Variants in PTPRT observed in about 807,000 individuals in gnomAD.
The protein encoded by PTPRT is protein tyrosine phosphatase receptor type T.
PTPRT carries 56 observed loss-of-function variants against 176.8 expected under a neutral mutation model. The observed-to-expected ratio is 0.32, with a 90% CI of 0.26 to 0.40. The LOEUF (loss-of-function observed/expected upper bound fraction) is 0.40, where lower values mean the gene tolerates loss of function less well. Among genes scored for constraint, PTPRT ranks in the 10% least tolerant of loss-of-function variants. The probability of loss-of-function intolerance (pLI) is 1.00; values close to 1 mark genes in which losing one functional copy is unlikely to be tolerated. For missense variants in PTPRT, 1,540 were observed against 1,908.2 expected (o/e 0.81, Z 3.60); for synonymous variants, 783 against 739.0 (o/e 1.06, Z -0.96).
At chr20:42,569,364 C>A (rs775180012) in intron 7 of PTPRT, among the ~76,000 whole-genome samples, 3 of 151,854 alleles carry the variant, frequency 2.0e-5, no homozygotes, top group African/African-American at 4.8e-5. Context: ...TTCTTCGTAT[C>A]TAAAGTGTAC....
intron 7 of PTPRT, among the ~76,000 whole-genome samples, chr20:42,525,620 C>T (rs971720091): frequency 1.3e-5 from 2 of 152,180 alleles, no homozygotes; most frequent in East Asian, 1.9e-4. Flanking sequence ...TTAGGATACA[C>T]GGTTTTCAAT....
At chr20:42,715,766 T>C (rs1005636694) in intron 6 of PTPRT, among the ~76,000 whole-genome samples, 21 of 152,336 alleles carry the variant, frequency 1.4e-4, no homozygotes, top group African/African-American at 5.1e-4. Context: ...AATTAAGTGG[T>C]AGATTCTCCC....
intron 1 of PTPRT, among the ~76,000 whole-genome samples, chr20:43,064,387 T>C (rs902513889): frequency 6.6e-6 from 1 of 152,140 alleles, no homozygotes; most frequent in African/African-American, 2.4e-5. Flanking sequence ...AGAAAACAAA[T>C]CTTTATTATA....
At chr20:42,084,973 C>A in intron 28 of PTPRT, 128 bp from the exon 29 acceptor site, 3 of 702,714 alleles carry the variant, frequency 4.3e-6, no homozygotes, top group Non-Finnish European at 6.0e-6. Flanking sequence ...CATGTCCTCA[C>A]GGGGAGAGTC....
intron 7 of PTPRT, among the ~76,000 whole-genome samples, chr20:42,483,907 T>C (rs1217057927): frequency 6.6e-6 from 1 of 152,222 alleles, no homozygotes; most frequent in African/African-American, 2.4e-5. Context: ...AGAGGGAGCC[T>C]GCGGGGCAGG....
intron 1 of PTPRT, among the ~76,000 whole-genome samples, chr20:42,949,042 A>G (rs1054608517): frequency 2.6e-5 from 4 of 152,174 alleles, no homozygotes; most frequent in African/African-American, 9.7e-5. Flanking sequence ...TGCCAACTAC[A>G]ACCCTATTAC....
chr20:42,546,439 T>G (rs1389706550), intron 7 of PTPRT, among the ~76,000 whole-genome samples: 1 of 150,988 alleles, frequency 6.6e-6, no homozygotes, highest in East Asian at 2.0e-4. Context: ...TGCATACTAC[T>G]AGTTAGGTTT....
intron 1 of PTPRT, among the ~76,000 whole-genome samples, chr20:43,044,227 G>C (rs540646082): frequency 6.7e-4 from 102 of 152,126 alleles, no homozygotes; most frequent in Non-Finnish European, 1.4e-3. Flanking sequence ...CAAATCCACA[G>C]GTGGGCAGGG....
rs186277282 is a variant in PTPRT at position 42,528,393 on chromosome 20, T to C, written c.1154-55831A>G. Among the ~76,000 whole-genome samples, 647 of 151,642 alleles carry C rather than the reference T, an allele frequency of 4.3e-3. 3 individuals carry two copies. Among genetic ancestry groups the C allele is most frequent in the African/African-American group, 0.015 (611 of 41,100 alleles). Reference sequence around the variant, plus strand: ...GCGTATACTAGATGTTCAATAAGTATGTGTGGTTAGATGAATGGATAAATG... The same window carrying C: ...GCGTATACTAGATGTTCAATAAGTACGTGTGGTTAGATGAATGGATAAATG... On this transcript the variant is annotated intron_variant, in intron 7 of 30. Transcript: ENST00000373187.
intron 4 of PTPRT, among the ~76,000 whole-genome samples, chr20:42,777,829 T>C (rs1489586324): frequency 6.6e-6 from 1 of 152,222 alleles, no homozygotes; most frequent in Non-Finnish European, 1.5e-5. Context: ...TCAGGCATTA[T>C]ATACATTGCC....
chr20:42,314,526 C>CAAAAAAAAAAAAAAAAAAAAAAA (rs386393782), intron 12 of PTPRT, among the ~76,000 whole-genome samples: 1 of 102,322 alleles, frequency 9.8e-6, no homozygotes, highest in Non-Finnish European at 2.0e-5. Context: ...GAGACTGTGT[C>CAAAAAAAAAAAAAAAAAAAAAAA]AAAAAAAAAA....
At chr20:42,389,117 G>A (rs1432120638) in intron 9 of PTPRT, among the ~76,000 whole-genome samples, 3 of 140,410 alleles carry the variant, frequency 2.1e-5, no homozygotes, top group East Asian at 4.9e-4. Flanking sequence ...CACACACTGG[G>A]GCCTGTCGTG....
intron 16 of PTPRT, among the ~76,000 whole-genome samples, chr20:42,176,881 T>G (rs1990315349): frequency 6.6e-6 from 1 of 151,992 alleles, no homozygotes; most frequent in Admixed American, 6.5e-5. Context: ...TTGCCATTGT[T>G]GTGGGTGGAT....
intron 1 of PTPRT, among the ~76,000 whole-genome samples, chr20:43,058,716 G>T (rs1315852207): frequency 6.6e-6 from 1 of 152,242 alleles, no homozygotes; most frequent in African/African-American, 2.4e-5. Context: ...CCAATTATCA[G>T]ACTGATCAGT....
intron 1 of PTPRT, among the ~76,000 whole-genome samples, chr20:43,150,734 G>T (rs1430574000): frequency 1.3e-5 from 2 of 151,938 alleles, no homozygotes; most frequent in African/African-American, 4.8e-5. Flanking sequence ...TGGGATTACA[G>T]GCATGAGCCA....
intron 7 of PTPRT, among the ~76,000 whole-genome samples, chr20:42,541,852 A>T (rs942557693): frequency 6.7e-5 from 10 of 150,372 alleles, no homozygotes; most frequent in Non-Finnish European, 1.2e-4. Flanking sequence ...TTAAAATTTT[A>T]AAAAAATCTG....
At chr20:42,576,448 G>A (rs1056713041) in intron 7 of PTPRT, among the ~76,000 whole-genome samples, 1 of 152,260 alleles carries the variant, frequency 6.6e-6, no homozygotes, top group Non-Finnish European at 1.5e-5. Context: ...GGGATGCATC[G>A]GTGAGTCAAT....
chr20:42,873,564 AGGTAAAAAAGAAATG>A (rs1371947712), intron 2 of PTPRT, among the ~76,000 whole-genome samples: 1 of 152,246 alleles, frequency 6.6e-6, no homozygotes, highest in African/African-American at 2.4e-5. Context: ...ACATTTAAAA[AGGTAAAAAAGAAATG>A]GGTTACTTTT....
In PTPRT at chr20:42,417,523, C is replaced by T. The variant is rs1056581038; in HGVS notation, c.1560+30697G>A. Reference sequence around the variant, plus strand: ...ATATTTTGCTGGGGGAGACAAAATTCAATCCTCCAGGAGAGTAATCTCCCT... The same window carrying T: ...ATATTTTGCTGGGGGAGACAAAATTTAATCCTCCAGGAGAGTAATCTCCCT... On this transcript the variant is annotated intron_variant, in intron 9 of 30. Coordinates refer to ENST00000373187, the MANE Select transcript of PTPRT (RefSeq NM_007050.6). Among the ~76,000 whole-genome samples, 3 of 151,480 alleles carry T rather than the reference C, an allele frequency of 2.0e-5. No individual in the cohort carries two copies. The South Asian group carries it at 6.3e-4, about 32-fold the overall frequency.
Sources: gnomAD v4.1 joint callset for allele counts (sites outside exome capture counted in the v4.1 genomes callset) on GRCh38, gnomAD v4.1.1 for gene constraint, MANE v1.5 for transcripts, NCBI Gene and HGNC (gene_info 2026-07-23, HGNC 2026-07-21) for gene names.